The following NRXN1 variants were observed in gnomAD, a reference collection of about 807,000 sequenced individuals.
NRXN1 encodes the protein neurexin-1.
In NRXN1, 39 loss-of-function variants were observed where a neutral mutation model predicts 150.9. The observed-to-expected ratio is 0.26, with a 90% CI of 0.20 to 0.34. The LOEUF (loss-of-function observed/expected upper bound fraction) is 0.34, where lower values mean the gene tolerates loss of function less well. NRXN1 is among the 10% of genes least tolerant of loss of function. NRXN1 has a pLI of 1.00. For missense variants in NRXN1, 1,815 were observed against 1,949.9 expected (o/e 0.93, Z 1.30); for synonymous variants, 924 against 757.0 (o/e 1.22, Z -3.62).
At chr2:50,206,867 A>G (rs2062620947) in intron 18 of NRXN1, among the ~76,000 whole-genome samples, 1 of 150,112 alleles carries the variant, frequency 6.7e-6, no homozygotes, top group Non-Finnish European at 1.5e-5. Flanking sequence ...ATACACACAC[A>G]CACAGAAATG....
At chr2:50,242,765 G>C (rs1389255508) in intron 17 of NRXN1, among the ~76,000 whole-genome samples, 1 of 151,688 alleles carries the variant, frequency 6.6e-6, no homozygotes, top group Non-Finnish European at 1.5e-5. Context: ...TAAGACTTCT[G>C]GTGGGAGGGG....
chr2:50,838,377 T>C (rs187757545), intron 5 of NRXN1, among the ~76,000 whole-genome samples: 6 of 152,270 alleles, frequency 3.9e-5, no homozygotes, highest in Non-Finnish European at 8.8e-5. Flanking sequence ...CAACATGTAA[T>C]GTTTTAAATT....
chr2:50,542,335 C>A (rs1279880648), intron 9 of NRXN1, among the ~76,000 whole-genome samples: 10 of 151,684 alleles, frequency 6.6e-5, no homozygotes, highest in African/African-American at 2.4e-4. Flanking sequence ...AAACATGAGA[C>A]AGAAAGAAAA....
At chr2:50,071,635 G>T (rs1696309826) in intron 19 of NRXN1, among the ~76,000 whole-genome samples, 1 of 152,220 alleles carries the variant, frequency 6.6e-6, no homozygotes, top group African/African-American at 2.4e-5. Flanking sequence ...CTCCAGAACT[G>T]TGAGAGAATA....
Position 51,020,058 on chromosome 2 carries a change from G to T in NRXN1, c.772+7444C>A, listed in dbSNP as rs912411248. ...CAGCATTTCTGTTTTAATTTGAAAG[G>T]TTTTTTTTTTTAAGTTGAGGGAGAG... is the stretch of plus-strand genomic sequence containing the variant. On this transcript the variant is annotated intron_variant, in intron 2 of 22. Transcript: ENST00000401669. Among the ~76,000 whole-genome samples the T allele has an allele frequency of 5.5e-5, 8 of 144,782 alleles. No homozygotes were observed. In the South Asian group the frequency reaches 6.5e-4, roughly 12 times the overall value. The allele number at this position is 144,782 out of a possible 152,430, so 95.0% of individuals were successfully genotyped here.
chr2:50,774,452 T>C (rs944032978), intron 5 of NRXN1, among the ~76,000 whole-genome samples: 8 of 152,168 alleles, frequency 5.3e-5, no homozygotes, highest in Non-Finnish European at 1.0e-4. Flanking sequence ...TCTGTGTATA[T>C]GACACAGTAA....
At chr2:50,872,697 A>C (rs2106107011) in intron 5 of NRXN1, among the ~76,000 whole-genome samples, 1 of 152,024 alleles carries the variant, frequency 6.6e-6, no homozygotes, top group African/African-American at 2.4e-5. Flanking sequence ...TCACTCTTGT[A>C]ATCCCAGCAC....
intron 8 of NRXN1, among the ~76,000 whole-genome samples, chr2:50,557,066 A>G (rs1477853914): frequency 2.0e-5 from 3 of 152,194 alleles, no homozygotes; most frequent in African/African-American, 2.4e-5. Flanking sequence ...CCATTAGTAA[A>G]GAGAGTGTTC....
chr2:50,705,350 A>T (rs1694290529), intron 5 of NRXN1, among the ~76,000 whole-genome samples: 2 of 152,154 alleles, frequency 1.3e-5, no homozygotes, highest in South Asian at 2.1e-4. Context: ...ATAAAACTGA[A>T]TCAGACTGAT....
At position 50,005,571 on chromosome 2, in the gene NRXN1, A is replaced by G. The variant is rs542384793; in HGVS notation, c.4128+47700T>C. On this transcript the variant is annotated intron_variant, in intron 21 of 22. Transcript: ENST00000401669. ...CTACTTTTTACCAGCATTATCTTCC[A>G]GAACCTAGAGCAAATAACTTCTCAT... Among the ~76,000 whole-genome samples, 12 of 152,292 alleles carry G rather than the reference A, an allele frequency of 7.9e-5. No individual in the cohort carries two copies. In the East Asian group the frequency reaches 2.3e-3, roughly 29 times the overall value.
chr2:50,701,076 A>C (rs964392481), intron 5 of NRXN1, among the ~76,000 whole-genome samples: 1 of 152,172 alleles, frequency 6.6e-6, no homozygotes, highest in African/African-American at 2.4e-5. Flanking sequence ...CTTTGAAATT[A>C]AAAAATAACT....
At chr2:50,821,581 T>C (rs1232510407) in intron 5 of NRXN1, among the ~76,000 whole-genome samples, 1 of 152,146 alleles carries the variant, frequency 6.6e-6, no homozygotes, top group Non-Finnish European at 1.5e-5. Flanking sequence ...ACCATAGAAG[T>C]GCAAGCTGTT....
chr2:50,175,607 A>AAT (rs36032143), intron 18 of NRXN1, among the ~76,000 whole-genome samples: 2,562 of 149,100 alleles, frequency 0.017, 60 homozygotes, highest in African/African-American at 0.051. Context: ...CATTTATGCA[A>AAT]ATATATATAT....
intron 5 of NRXN1, among the ~76,000 whole-genome samples, chr2:50,754,641 A>G (rs572985819): frequency 1.3e-5 from 2 of 151,874 alleles, no homozygotes; most frequent in Non-Finnish European, 2.9e-5. Flanking sequence ...TCAGAACTGA[A>G]TATCAAGCTA....
At chr2:50,329,600 T>TGC in intron 17 of NRXN1, among the ~76,000 whole-genome samples, 1 of 26,064 alleles carries the variant, frequency 3.8e-5, no homozygotes, top group Admixed American at 5.7e-4. Context: ...TGTGTGTGTG[T>TGC]GTGTGTGTGT....
chr2:50,003,424 T>C (rs1684263819), intron 21 of NRXN1, among the ~76,000 whole-genome samples: 1 of 152,168 alleles, frequency 6.6e-6, no homozygotes, highest in Non-Finnish European at 1.5e-5. Flanking sequence ...GTGATGTCTC[T>C]ATTATATTTT....
intron 2 of NRXN1, among the ~76,000 whole-genome samples, chr2:50,988,273 T>C (rs7591683): frequency 0.66 from 99,796 of 151,818 alleles, 33,565 homozygotes; most frequent in African/African-American, 0.79. Context: ...GTCTTAGTCA[T>C]TATTTATTAA....
At chr2:50,337,707 G>A (rs1328072110) in intron 17 of NRXN1, among the ~76,000 whole-genome samples, 2 of 152,056 alleles carry the variant, frequency 1.3e-5, no homozygotes, top group African/African-American at 4.8e-5. Context: ...TTGGGGTTGT[G>A]AAGTAATCCC....
chr2:50,007,888 G>A (rs574741343), intron 21 of NRXN1, among the ~76,000 whole-genome samples: 1 of 152,174 alleles, frequency 6.6e-6, no homozygotes, highest in East Asian at 1.9e-4. Flanking sequence ...ATCCTCTCCA[G>A]CATCTGTTGT....
Sources: allele counts gnomAD v4.1 joint callset (sites outside exome capture counted in the v4.1 genomes callset), GRCh38; gene constraint gnomAD v4.1.1; transcripts MANE v1.5; gene names NCBI Gene and HGNC (gene_info 2026-07-23, HGNC 2026-07-21).